The following PTPRD variants were observed in gnomAD, a reference collection of about 807,000 sequenced individuals.
The protein encoded by PTPRD is receptor-type tyrosine-protein phosphatase delta.
A neutral mutation model predicts 214.5 loss-of-function variants in PTPRD; 34 were observed. That is an observed-to-expected ratio of 0.16 (90% CI 0.12 to 0.21). PTPRD has a LOEUF of 0.21. Among genes scored for constraint, PTPRD ranks in the 10% least tolerant of loss-of-function variants. The probability of loss-of-function intolerance (pLI) is 1.00; values close to 1 mark genes in which losing one functional copy is unlikely to be tolerated. For synonymous variants in PTPRD, 1,128 were observed against 845.7 expected (o/e 1.33, Z -5.79); for missense variants, 2,545 against 2,398.7 (o/e 1.06, Z -1.27).
At chr9:9,408,474 A>G (rs1237254734) in intron 8 of PTPRD, among the ~76,000 whole-genome samples, 1 of 151,938 alleles carries the variant, frequency 6.6e-6, no homozygotes, top group East Asian at 1.9e-4. Flanking sequence ...TTGTTTGTTC[A>G]GAGCCCTAAA....
intron 39 of PTPRD, among the ~76,000 whole-genome samples, chr9:8,365,820 G>A (rs2079707411): frequency 6.6e-6 from 1 of 152,142 alleles, no homozygotes; most frequent in Non-Finnish European, 1.5e-5. Context: ...GAAAAGCCTT[G>A]GGGAGAAAGA....
At chr9:8,391,756 C>T (rs990789478) in intron 36 of PTPRD, among the ~76,000 whole-genome samples, 1 of 152,110 alleles carries the variant, frequency 6.6e-6, no homozygotes, top group African/African-American at 2.4e-5. Context: ...AGATTCATCA[C>T]CTGGGCCCTG....
intron 8 of PTPRD, among the ~76,000 whole-genome samples, chr9:9,402,869 T>C (rs2071260953): frequency 7.1e-6 from 1 of 141,678 alleles, no homozygotes; most frequent in Non-Finnish European, 1.5e-5. Context: ...AAATTATCCA[T>C]AATGTTGCTC....
intron 5 of PTPRD, among the ~76,000 whole-genome samples, chr9:9,862,579 A>G (rs2063008234): frequency 6.6e-6 from 1 of 152,210 alleles, no homozygotes. Flanking sequence ...AATCAAAAAC[A>G]CCTGCATCTG....
chr9:9,724,019 C>T (rs566524784), intron 7 of PTPRD, among the ~76,000 whole-genome samples: 14 of 152,124 alleles, frequency 9.2e-5, no homozygotes, highest in Admixed American at 6.6e-5. Flanking sequence ...TGGCTAGAAC[C>T]TCCAGTACAA....
At chr9:10,427,721 A>G (rs1484757590) in intron 2 of PTPRD, among the ~76,000 whole-genome samples, 1 of 152,110 alleles carries the variant, frequency 6.6e-6, no homozygotes, top group East Asian at 1.9e-4. Flanking sequence ...TATAGCAAAA[A>G]AAAGAAACCA....
intron 9 of PTPRD, among the ~76,000 whole-genome samples, chr9:9,281,860 CT>C (rs1363613117): frequency 4.6e-5 from 7 of 151,164 alleles, no homozygotes; most frequent in Admixed American, 3.3e-4. Flanking sequence ...TCAAGATACC[CT>C]ACGGTAGATG....
chr9:9,420,224 T>C (rs575999019), intron 8 of PTPRD, among the ~76,000 whole-genome samples: 2 of 151,966 alleles, frequency 1.3e-5, no homozygotes, highest in African/African-American at 4.8e-5. Context: ...ACAAACAAAA[T>C]ATCAACTAAT....
intron 11 of PTPRD, among the ~76,000 whole-genome samples, chr9:8,832,677 G>C (rs922245028): frequency 6.6e-6 from 1 of 151,968 alleles, no homozygotes; most frequent in African/African-American, 2.4e-5. Flanking sequence ...AGGATCACAA[G>C]ACTTCACAAA....
chr9:9,522,065 G>T (rs952290874), intron 8 of PTPRD, among the ~76,000 whole-genome samples: 2 of 149,700 alleles, frequency 1.3e-5, no homozygotes, highest in Admixed American at 6.7e-5. Context: ...GCTGAGGCAG[G>T]AGAATCGCTT....
At chr9:10,429,657 T>C (rs548529617) in intron 2 of PTPRD, among the ~76,000 whole-genome samples, 1 of 151,118 alleles carries the variant, frequency 6.6e-6, no homozygotes, top group African/African-American at 2.4e-5. Flanking sequence ...TGACAGATAA[T>C]ATATAGATAT....
At chr9:10,304,864 G>A (rs530063565) in intron 3 of PTPRD, among the ~76,000 whole-genome samples, 28 of 152,052 alleles carry the variant, frequency 1.8e-4, no homozygotes, top group South Asian at 1.0e-3. Context: ...TGCTATTTCC[G>A]TCAAGCTACC....
chr9:9,715,306 C>G (rs1454067698), intron 7 of PTPRD, among the ~76,000 whole-genome samples: 1 of 152,110 alleles, frequency 6.6e-6, no homozygotes, highest in African/African-American at 2.4e-5. Context: ...AGGCTTGACA[C>G]TGGTTGGCAT....
At chr9:9,743,523 T>G (rs2098425369) in intron 6 of PTPRD, among the ~76,000 whole-genome samples, 1 of 152,212 alleles carries the variant, frequency 6.6e-6, no homozygotes, top group South Asian at 2.1e-4. Flanking sequence ...CTGGACTTCA[T>G]GGGCCATCTG....
chr9:10,275,849 A>G (rs1194860797), intron 3 of PTPRD, among the ~76,000 whole-genome samples: 1 of 152,178 alleles, frequency 6.6e-6, no homozygotes, highest in Non-Finnish European at 1.5e-5. Flanking sequence ...GTGGAGAAAA[A>G]TCCCTGAGGG....
chr9:9,936,885 C>G (rs2089667413), intron 5 of PTPRD, among the ~76,000 whole-genome samples: 1 of 145,938 alleles, frequency 6.9e-6, no homozygotes, highest in African/African-American at 2.6e-5. Flanking sequence ...CCATGGAATA[C>G]TATGCAGCCA....
At chr9:10,168,594 G>A (rs1249118211) in intron 3 of PTPRD, among the ~76,000 whole-genome samples, 1 of 152,074 alleles carries the variant, frequency 6.6e-6, no homozygotes, top group Non-Finnish European at 1.5e-5. Flanking sequence ...AAGCAGCAGT[G>A]TATCTTCCCA....
chr9:9,268,200 T>A (rs904985035), intron 9 of PTPRD, among the ~76,000 whole-genome samples: 2 of 151,342 alleles, frequency 1.3e-5, no homozygotes, highest in African/African-American at 4.8e-5. Flanking sequence ...AAAAGTCAGC[T>A]TTGTTTCTGT....
At chr9:8,449,883 G>C (rs1050872602) in intron 33 of PTPRD, 46 bp from the exon 34 acceptor site, 1 of 1,576,438 alleles carries the variant, frequency 6.3e-7, no homozygotes. Flanking sequence ...AAAATCAATT[G>C]AAACAGATAG....
Sources: allele counts gnomAD v4.1 joint callset (sites outside exome capture counted in the v4.1 genomes callset), GRCh38; gene constraint gnomAD v4.1.1; transcripts MANE v1.5; gene names NCBI Gene and HGNC (gene_info 2026-07-23, HGNC 2026-07-21).